The following VWA3B variants were observed in gnomAD, a reference collection of about 807,000 sequenced individuals.
VWA3B encodes the protein von Willebrand factor A domain containing 3B.
In VWA3B, 138 loss-of-function variants were observed where a neutral mutation model predicts 158.3. The observed-to-expected ratio is 0.87, with a 90% CI of 0.76 to 1.00. The LOEUF (loss-of-function observed/expected upper bound fraction) is 1.00. Ranked by LOEUF, VWA3B falls within the 50% of genes least tolerant of loss-of-function variation. The pLI is 0.00. For synonymous variants in VWA3B, 596 were observed against 587.3 expected (o/e 1.01, Z -0.21); for missense variants, 1,555 against 1,565.1 (o/e 0.99, Z 0.11).
chr2:98,248,825 T>C lies in VWA3B; in HGVS notation c.2674-1493T>C, dbSNP rs897005468. ...TCTCTGTCTCTCTTTCTCTTTCTTT[T>C]TCTTTCTTTCTTTCTTTCTTTCTTT... On this transcript the variant is annotated intron_variant, in intron 19 of 27. Transcript: ENST00000477737. 1.1e-3 allele frequency among the ~76,000 whole-genome samples: 13 copies of C among 11,602 alleles called. No individual in the cohort carries two copies. In the East Asian group the frequency reaches 0.071, roughly 64 times the overall value. 7.6% of individuals were successfully genotyped at this position (11,602 alleles called of 152,430 possible).
intron 20 of VWA3B, among the ~76,000 whole-genome samples, chr2:98,254,871 G>A (rs1360497607): frequency 6.6e-6 from 1 of 152,132 alleles, no homozygotes; most frequent in African/African-American, 2.4e-5. Context: ...ATGATGGGAG[G>A]GCAGGGCAGG....
chr2:98,263,364 C>T (rs1007661085), intron 21 of VWA3B, among the ~76,000 whole-genome samples: 1 of 151,830 alleles, frequency 6.6e-6, no homozygotes, highest in African/African-American at 2.4e-5. Flanking sequence ...TCCAATCTTT[C>T]ATTATTAAGT....
intron 14 of VWA3B, among the ~76,000 whole-genome samples, chr2:98,222,821 A>T (rs960718297): frequency 6.6e-6 from 1 of 152,244 alleles, no homozygotes; most frequent in African/African-American, 2.4e-5. Context: ...CAGAAGTAGG[A>T]CAAATCTCAC....
chr2:98,274,309 G>A (rs138825722), intron 22 of VWA3B, among the ~76,000 whole-genome samples: 131 of 152,310 alleles, frequency 8.6e-4, no homozygotes, highest in African/African-American at 3.1e-3. Context: ...GAAGCCCAGT[G>A]CCCAGGGGCC....
chr2:98,257,730 G>A (rs76665017), intron 21 of VWA3B, among the ~76,000 whole-genome samples: 2 of 151,882 alleles, frequency 1.3e-5, no homozygotes, highest in East Asian at 3.9e-4. Context: ...ATTGGGTTGT[G>A]TTTTTGTTGT....
At chr2:98,273,516 G>T (rs77190488) in intron 22 of VWA3B, among the ~76,000 whole-genome samples, 1 of 152,198 alleles carries the variant, frequency 6.6e-6, no homozygotes, top group Admixed American at 6.5e-5. Flanking sequence ...TTCCTCGCCT[G>T]CATGCCCTGT....
At chr2:98,271,099 T>C (rs572605432) in intron 22 of VWA3B, among the ~76,000 whole-genome samples, 2 of 146,682 alleles carry the variant, frequency 1.4e-5, no homozygotes, top group South Asian at 2.1e-4. Flanking sequence ...AATACGTCTT[T>C]TAATTGAAAA....
rs536329088 is a variant in VWA3B, at chr2:98,216,686, T to C, written c.1837-1160T>C. 148 of 471,288 alleles carry C rather than the reference T, an allele frequency of 3.1e-4. 1 individual carries two copies. Among genetic ancestry groups the C allele is most frequent in the South Asian group, 2.2e-3 (144 of 64,558 alleles). 29.2% of individuals were successfully genotyped at this position (471,288 alleles called of 1,614,324 possible). A position where few individuals can be genotyped will look rare whatever the true frequency, so the allele number is the denominator to read the frequency against. On this transcript the variant is annotated intron_variant, in intron 13 of 27. Transcript: ENST00000477737. ...GTGGCTCAGGTGTGCTGCTTGGCCT[T>C]ATCCTAGGCTGACAGCAGCTCCTGG...
chr2:98,184,964 A>G (rs528763928), intron 9 of VWA3B, among the ~76,000 whole-genome samples: 1 of 152,216 alleles, frequency 6.6e-6, no homozygotes, highest in African/African-American at 2.4e-5. Context: ...TGGCTCCAAC[A>G]CCTGCTTTAG....
intron 22 of VWA3B, among the ~76,000 whole-genome samples, chr2:98,278,938 T>C (rs79465347): frequency 1.7e-3 from 259 of 152,252 alleles, no homozygotes; most frequent in African/African-American, 5.9e-3. Context: ...CTGGTGATGT[T>C]ACCATCACAC....
Position 98,270,840 on chromosome 2 carries a change from A to G in VWA3B, c.3002A>G (p.Gln1001Arg), listed in dbSNP as rs1181824163. The G allele has an allele frequency of 6.2e-7, 1 of 1,614,132 alleles. No homozygotes were observed. The highest frequency in any genetic ancestry group is 1.7e-5 in the Admixed American group (1 of 60,018). The change falls in exon 22 of 28, where the codon CAG becomes CGG. Residue 1001 changes from glutamine (Q) to arginine (R), a missense_variant. Transcript: ENST00000477737. The part of the protein sequence containing the change: ...KMYIQQAMEL[Q>R]EAAKKNYANK... ...TACATCCAGCAGGCCATGGAACTCC[A>G]GGAGGCTGCCAAGAAGAATTATGCA... is the stretch of plus-strand genomic sequence containing the variant.
At chr2:98,217,069 C>A in intron 13 of VWA3B, 1 of 1,042,864 alleles carries the variant, frequency 9.6e-7, no homozygotes, top group Non-Finnish European at 1.3e-6. Context: ...GGGAGCTGGG[C>A]AGAGGGTGGG....
At chr2:98,172,333 G>A (rs1002572828) in intron 8 of VWA3B, among the ~76,000 whole-genome samples, 4 of 151,898 alleles carry the variant, frequency 2.6e-5, no homozygotes, top group Non-Finnish European at 4.4e-5. Context: ...CAAACTCTGC[G>A]TCATTCTGCT....
intron 25 of VWA3B, among the ~76,000 whole-genome samples, chr2:98,302,017 T>C (rs1191448569): frequency 6.6e-6 from 1 of 152,208 alleles, no homozygotes; most frequent in Non-Finnish European, 1.5e-5. Flanking sequence ...GATTGACGTC[T>C]CCTGCCTCCT....
chr2:98,312,627 C>A lies in VWA3B; in HGVS notation c.*278C>A, dbSNP rs184951465. ...CATCTTCTGGTAGACGCCCCACCCC[C>A]AGAAGTTTTAACCTGAAGGATGACT... On this transcript the variant is annotated 3_prime_UTR_variant, in exon 28 of 28. Coordinates refer to ENST00000477737, the MANE Select transcript of VWA3B (RefSeq NM_144992.5). 5.6e-5 allele frequency: 21 copies of A among 373,322 alleles called. No homozygotes were observed. Among genetic ancestry groups the A allele is most frequent in the Admixed American group, 2.9e-4 (7 of 23,970 alleles). 23.1% of individuals were successfully genotyped at this position (373,322 alleles called of 1,614,324 possible).
At chr2:98,324,185 C>A in the VWA3B span, among the ~76,000 whole-genome samples, 98 of 150,698 alleles carry the variant, frequency 6.5e-4, no homozygotes, top group African/African-American at 2.4e-3. Flanking sequence ...TTTTTTTAGA[C>A]TAAATCTTGC....
intron 7 of VWA3B, among the ~76,000 whole-genome samples, chr2:98,135,173 G>A (rs1467630202): frequency 2.6e-5 from 4 of 152,082 alleles, no homozygotes; most frequent in Non-Finnish European, 5.9e-5. Flanking sequence ...AACCAAGGTG[G>A]GCCAATTACT....
In VWA3B at chr2:98,170,623, T is replaced by TG. The variant is rs397780254; in HGVS notation, c.1114+7648dup. Among the ~76,000 whole-genome samples the TG allele has an allele frequency of 2.0e-5, 3 of 151,656 alleles. No individual in the cohort carries two copies. The East Asian group carries it at 5.8e-4, about 29-fold the overall frequency. ...GAGTTAGGAAGATTTTTTTTTTTTT[T>TG]GAGATGGAGTATATCGCTCTGTCAC... On this transcript the variant is annotated intron_variant, in intron 8 of 27. Coordinates refer to ENST00000477737, the MANE Select transcript of VWA3B (RefSeq NM_144992.5).
intron 22 of VWA3B, 60 bp downstream of exon 22, chr2:98,270,943 T>C (rs1688166302): frequency 2.6e-6 from 4 of 1,527,402 alleles, no homozygotes; most frequent in Non-Finnish European, 9.0e-7. Flanking sequence ...GTCATTGCCA[T>C]TCCTACATTG....
Sources: gnomAD v4.1 joint callset for allele counts (sites outside exome capture counted in the v4.1 genomes callset) on GRCh38, gnomAD v4.1.1 for gene constraint, MANE v1.5 for transcripts, NCBI Gene and HGNC (gene_info 2026-07-23, HGNC 2026-07-21) for gene names.